Variants in AKAP13 observed in about 807,000 individuals in gnomAD.
AKAP13 encodes the protein A-kinase anchor protein 13.
Under a neutral mutation model 264.5 loss-of-function variants are expected in AKAP13, and 80 were observed. The observed-to-expected ratio is 0.30, with a 90% CI of 0.25 to 0.36. The LOEUF (loss-of-function observed/expected upper bound fraction) is 0.36. Among genes scored for constraint, AKAP13 ranks in the 10% least tolerant of loss-of-function variants. The probability of loss-of-function intolerance (pLI) is 1.00; values close to 1 mark genes in which losing one functional copy is unlikely to be tolerated. For synonymous variants in AKAP13, 1,380 were observed against 1,250.2 expected (o/e 1.10, Z -2.19); for missense variants, 3,712 against 3,435.2 (o/e 1.08, Z -2.01).
intron 8 of AKAP13, among the ~76,000 whole-genome samples, chr15:85,629,428 C>T (rs1324145516): frequency 1.3e-5 from 2 of 152,118 alleles, no homozygotes; most frequent in East Asian, 1.9e-4. Context: ...GGAGTCTCTC[C>T]ACTTTTTTCT....
At chr15:85,405,677 C>CA (rs982565418) in intron 1 of AKAP13, among the ~76,000 whole-genome samples, 28 of 152,270 alleles carry the variant, frequency 1.8e-4, no homozygotes, top group African/African-American at 6.0e-4. Context: ...GAACTTCGGC[C>CA]AAAGTCAATT....
In AKAP13 at chr15:85,744,706, C is replaced by T. The variant is rs577579154; in HGVS notation, c.*29C>T. ...TCTTCCTCTCTGCTGAGGCAGCTGC[C>T]TCCTGATCCTGGCCAGCCCACCTCT... is the stretch of plus-strand genomic sequence containing the variant. On this transcript the variant is annotated 3_prime_UTR_variant, in exon 37 of 37. Coordinates refer to ENST00000394518, the MANE Select transcript of AKAP13 (RefSeq NM_007200.5). 3 of 1,576,842 alleles carry T rather than the reference C, an allele frequency of 1.9e-6. No homozygotes were observed. The highest frequency in any genetic ancestry group is 2.3e-5 in the East Asian group (1 of 44,426).
Position 85,654,265 on chromosome 15 carries a change from T to C in AKAP13, c.4375-1152T>C, listed in dbSNP as rs376301278. ...GTACTTATGCATTTGTGGCAAACTT[T>C]AGGTGGGGTCATAAGCTATTCCACA... On this transcript the variant is annotated intron_variant, in intron 10 of 36. Coordinates refer to ENST00000394518, the MANE Select transcript of AKAP13 (RefSeq NM_007200.5). Among the ~76,000 whole-genome samples the C allele has an allele frequency of 1.9e-4, 29 of 152,358 alleles. No individual in the cohort carries two copies. The East Asian group carries it at 5.0e-3, about 26-fold the overall frequency.
At chr15:85,466,256 C>T (rs1162214667) in intron 1 of AKAP13, among the ~76,000 whole-genome samples, 1 of 151,860 alleles carries the variant, frequency 6.6e-6, no homozygotes, top group African/African-American at 2.4e-5. Flanking sequence ...GATATTAGCC[C>T]TTTGTCAGAT....
intron 5 of AKAP13, among the ~76,000 whole-genome samples, chr15:85,544,416 A>G (rs1057097947): frequency 6.6e-6 from 1 of 152,202 alleles, no homozygotes; most frequent in African/African-American, 2.4e-5. Context: ...AATATTGTAA[A>G]CAATTAAGTT....
chr15:85,395,943 A>G (rs1343704223), intron 1 of AKAP13, among the ~76,000 whole-genome samples: 1 of 152,110 alleles, frequency 6.6e-6, no homozygotes, highest in African/African-American at 2.4e-5. Context: ...ATCCCCAGCA[A>G]CAATGGCACA....
chr15:85,439,974 A>AATAAT lies in AKAP13; in HGVS notation c.-11-45735_-11-45734insTAATA, dbSNP rs1567057955. On this transcript the variant is annotated intron_variant, in intron 1 of 36. Transcript: ENST00000394518. The stretch of plus-strand genomic sequence containing the variant: ...ACCCTAAAACTTAAAGTATAATAAA[A>AATAAT]AATAATAATAATAATAATAATAAAT... 1.6e-3 allele frequency among the ~76,000 whole-genome samples: 235 copies of AATAAT among 143,520 alleles called. 8 individuals carry two copies. In the East Asian group the frequency reaches 0.04, roughly 25 times the overall value. The allele number at this position is 143,520 out of a possible 152,430, so 94.2% of individuals were successfully genotyped here. A position where few individuals can be genotyped will look rare whatever the true frequency, so the allele number is the denominator to read the frequency against.
At chr15:85,577,817 T>A (rs956447345) in intron 6 of AKAP13, 1 of 985,366 alleles carries the variant, frequency 1.0e-6, no homozygotes, top group East Asian at 1.1e-4. Context: ...CATAACTCGA[T>A]GGTTAAGTTA....
intron 1 of AKAP13, among the ~76,000 whole-genome samples, chr15:85,481,961 A>C (rs1006438079): frequency 2.0e-5 from 3 of 152,246 alleles, no homozygotes; most frequent in African/African-American, 7.2e-5. Context: ...AAAAAAATCT[A>C]CTGACAAAGC....
At chr15:85,663,951 T>A (rs1253433764) in intron 12 of AKAP13, among the ~76,000 whole-genome samples, 1 of 152,262 alleles carries the variant, frequency 6.6e-6, no homozygotes, top group African/African-American at 2.4e-5. Flanking sequence ...GTGTTATATG[T>A]GCCTGTTGCA....
chr15:85,506,919 C>T (rs1202270799), intron 2 of AKAP13, among the ~76,000 whole-genome samples: 2 of 152,190 alleles, frequency 1.3e-5, no homozygotes, highest in Admixed American at 6.5e-5. Context: ...CGTGTTTGTT[C>T]AGTTCTGTGC....
At chr15:85,433,586 C>CTGA (rs1312768728) in intron 1 of AKAP13, among the ~76,000 whole-genome samples, 2 of 152,154 alleles carry the variant, frequency 1.3e-5, no homozygotes, top group Admixed American at 6.5e-5. Context: ...TGGGGACTTC[C>CTGA]TGATCATCCC....
chr15:85,656,468 A>G (rs963603686), intron 11 of AKAP13, among the ~76,000 whole-genome samples: 2 of 151,544 alleles, frequency 1.3e-5, no homozygotes, highest in Non-Finnish European at 2.9e-5. Flanking sequence ...TTTTCCTGAG[A>G]TGGAGTCTCG....
intron 8 of AKAP13, among the ~76,000 whole-genome samples, chr15:85,609,230 G>T (rs2080489005): frequency 6.6e-6 from 1 of 152,060 alleles, no homozygotes; most frequent in African/African-American, 2.4e-5. Flanking sequence ...TTCCTCTTAT[G>T]ACTCTTTACC....
chr15:85,676,346 A>G (rs889498370), intron 14 of AKAP13, among the ~76,000 whole-genome samples: 49 of 152,168 alleles, frequency 3.2e-4, no homozygotes, highest in Non-Finnish European at 2.1e-4. Flanking sequence ...AGTGTGATAT[A>G]AGGATTCAGG....
chr15:85,690,296 AT>A (rs2085208164), intron 16 of AKAP13, among the ~76,000 whole-genome samples: 1 of 152,216 alleles, frequency 6.6e-6, no homozygotes, highest in South Asian at 2.1e-4. Context: ...CCATAAAAAG[AT>A]TTTTTAAACG....
chr15:85,550,902 A>G (rs2077940268), intron 5 of AKAP13, among the ~76,000 whole-genome samples: 1 of 152,180 alleles, frequency 6.6e-6, no homozygotes, highest in East Asian at 1.9e-4. Flanking sequence ...ACTAACATTT[A>G]TTGAATATTG....
chr15:85,600,403 T>C (rs147669333), intron 8 of AKAP13, among the ~76,000 whole-genome samples: 2 of 151,914 alleles, frequency 1.3e-5, no homozygotes, highest in African/African-American at 4.8e-5. Flanking sequence ...AGTCTAATGG[T>C]GGAAGATAAT....
intron 2 of AKAP13, among the ~76,000 whole-genome samples, chr15:85,519,499 T>C (rs2076734293): frequency 1.3e-5 from 2 of 152,174 alleles, no homozygotes; most frequent in South Asian, 4.1e-4. Context: ...CCTTGAGAAA[T>C]GGACTCTTCT....
Sources: allele counts gnomAD v4.1 joint callset (sites outside exome capture counted in the v4.1 genomes callset), GRCh38; gene constraint gnomAD v4.1.1; transcripts MANE v1.5; gene names NCBI Gene and HGNC (gene_info 2026-07-23, HGNC 2026-07-21).